Variants in PAPSS2 observed in about 807,000 individuals in gnomAD.
PAPSS2 encodes the protein 3'-phosphoadenosine 5'-phosphosulfate synthase 2.
Under a neutral mutation model 66.5 loss-of-function variants are expected in PAPSS2, and 61 were observed. That is an observed-to-expected ratio of 0.92 (90% confidence interval 0.75 to 1.14). PAPSS2 has a LOEUF of 1.14. Ranked by LOEUF, PAPSS2 falls within the 50% of genes most tolerant of loss-of-function variation. The pLI, the probability that PAPSS2 is intolerant of heterozygous loss-of-function variation, is 0.00. For missense variants in PAPSS2, 708 were observed against 789.6 expected (o/e 0.90, Z 1.24); for synonymous variants, 289 against 287.5 (o/e 1.01, Z -0.05).
intron 1 of PAPSS2, among the ~76,000 whole-genome samples, chr10:87,696,117 A>G (rs1274284511): frequency 6.6e-6 from 1 of 152,118 alleles, no homozygotes; most frequent in Non-Finnish European, 1.5e-5. Context: ...TACACTCCCA[A>G]CTTCAGCTAT....
intron 1 of PAPSS2, among the ~76,000 whole-genome samples, chr10:87,696,648 A>G (rs1853238414): frequency 6.6e-6 from 1 of 152,218 alleles, no homozygotes; most frequent in African/African-American, 2.4e-5. Context: ...AGGATTTCTC[A>G]TATAACTCCA....
At chr10:87,718,371 G>A (rs903798278) in intron 7 of PAPSS2, among the ~76,000 whole-genome samples, 7 of 152,130 alleles carry the variant, frequency 4.6e-5, no homozygotes, top group Admixed American at 1.3e-4. Flanking sequence ...GCTCACTACC[G>A]TGAGGTGGAT....
At chr10:87,738,924 T>C (rs1853833134) in intron 9 of PAPSS2, among the ~76,000 whole-genome samples, 1 of 152,234 alleles carries the variant, frequency 6.6e-6, no homozygotes, top group Non-Finnish European at 1.5e-5. Flanking sequence ...TTCTGGATAT[T>C]AACCCCTTAT....
rs531360079 is a variant in PAPSS2, at chr10:87,660,970, A to G, written c.27+962A>G. 4.3e-4 allele frequency: 196 copies of G among 455,922 alleles called. 3 individuals are homozygous for G. The highest frequency in any genetic ancestry group is 2.8e-3 in the South Asian group (182 of 64,546). 28.2% of individuals were successfully genotyped at this position (455,922 alleles called of 1,614,324 possible). ...GCCGCTGAACATTCTATCTTCAGCC[A>G]CCACCCTGCAAGCCTCAGATGATTG... On this transcript the variant is annotated intron_variant, in intron 1 of 12. Coordinates refer to ENST00000456849, the MANE Select transcript of PAPSS2 (RefSeq NM_001015880.2).
chr10:87,669,490 T>C (rs7905305), intron 1 of PAPSS2, among the ~76,000 whole-genome samples: 2,484 of 152,340 alleles, frequency 0.016, 64 homozygotes, highest in African/African-American at 0.057. Context: ...TTTGAGTAGT[T>C]ACTAAAAAAT....
intron 1 of PAPSS2, among the ~76,000 whole-genome samples, chr10:87,666,922 G>A (rs2089077610): frequency 1.3e-5 from 2 of 152,086 alleles, no homozygotes; most frequent in African/African-American, 4.8e-5. Flanking sequence ...AATGCCCTCT[G>A]CTTTCAGAGC....
At chr10:87,735,186 C>T (rs950253674) in intron 9 of PAPSS2, among the ~76,000 whole-genome samples, 10 of 152,156 alleles carry the variant, frequency 6.6e-5, no homozygotes, top group Non-Finnish European at 1.5e-4. Context: ...TTCTAGGCCA[C>T]AAAGCCCTGG....
rs750512741 is a variant in PAPSS2 at position 87,745,137 on chromosome 10, A to G, written c.1627A>G (p.Met543Val). The change falls in exon 12 of 13, where the codon ATG becomes GTG. Residue 543 changes from methionine to valine, a missense_variant. By Grantham distance (21) the Met-to-Val change is conservative. Transcript: ENST00000456849. ...EPTHGGKVLS[M>V]APGLTSVEII... ...CACTCATGGGGGCAAGGTCTTGAGC[A>G]TGGCCCCTGGCCTCACCTCTGTGGA... 6.2e-7 allele frequency: 1 copy of G among 1,614,160 alleles called. No homozygotes were observed.
chr10:87,742,025 T>C (rs1853876762), intron 10 of PAPSS2, among the ~76,000 whole-genome samples: 1 of 152,224 alleles, frequency 6.6e-6, no homozygotes, highest in African/African-American at 2.4e-5. Context: ...CCCAAAGTGC[T>C]GGGATTACAG....
chr10:87,701,319 C>CTTTCTTT (rs1853304868), intron 1 of PAPSS2, among the ~76,000 whole-genome samples: 1 of 95,550 alleles, frequency 1.0e-5, no homozygotes, highest in African/African-American at 4.9e-5. Context: ...TTCCTTCCTT[C>CTTTCTTT]CTTCCTTCCT....
At position 87,709,284 on chromosome 10, in the gene PAPSS2, G is replaced by A; in HGVS notation, c.116G>A (p.Gly39Glu). The change falls in exon 2 of 13, where the codon GGG becomes GAG. Residue 39 changes from glycine (G) to glutamate (E), a missense_variant. Physicochemically the swap from Gly to Glu is moderately conservative, Grantham distance 98. Transcript: ENST00000456849. The part of the protein sequence containing the change: ...KRGQVVGTRG[G>E]FRGCTVWLTG... ...GGGCAAGTGGTTGGAACAAGGGGTG[G>A]GTTCCGAGGATGTACCGTGTGGCTA... is the stretch of plus-strand genomic sequence containing the variant. 6.2e-7 allele frequency: 1 copy of A among 1,611,214 alleles called. No homozygotes were observed. The highest frequency in any genetic ancestry group is 8.5e-7 in the Non-Finnish European group (1 of 1,177,844).
chr10:87,678,351 AAC>A (rs1031246466), intron 1 of PAPSS2, among the ~76,000 whole-genome samples: 3 of 152,198 alleles, frequency 2.0e-5, no homozygotes, highest in Non-Finnish European at 4.4e-5. Flanking sequence ...ACTAGAAGAA[AAC>A]ACAGGGAAAA....
chr10:87,707,211 C>T (rs960462957), intron 1 of PAPSS2, among the ~76,000 whole-genome samples: 1 of 152,152 alleles, frequency 6.6e-6, no homozygotes, highest in African/African-American at 2.4e-5. Context: ...TTATGACATC[C>T]CTTTCTAGCT....
chr10:87,660,444 G>C (rs890249214), intron 1 of PAPSS2: 1 of 237,788 alleles, frequency 4.2e-6, no homozygotes, highest in African/African-American at 2.3e-5. Flanking sequence ...AACTTCCTTG[G>C]AGTGGGCTTT....
intron 1 of PAPSS2, among the ~76,000 whole-genome samples, chr10:87,704,334 C>T (rs775083995): frequency 2.0e-5 from 3 of 152,112 alleles, no homozygotes; most frequent in Non-Finnish European, 4.4e-5. Context: ...TTTCGAAAAA[C>T]GAAGAACTTG....
rs1401243839 is a variant in PAPSS2, at chr10:87,709,252, T to G, written c.84T>G (p.Asn28Lys). The change falls in exon 2 of 13, where the codon AAT becomes AAG. Residue 28 changes from asparagine to lysine, a missense_variant. Transcript: ENST00000456849. Reference sequence around the variant, plus strand: ...ATCAGGCCCACCATGTGAGCAGGAATAAGAGAGGGCAAGTGGTTGGAACAA... The same window carrying G: ...ATCAGGCCCACCATGTGAGCAGGAAGAAGAGAGGGCAAGTGGTTGGAACAA... The part of the protein sequence containing the change: ...VVYQAHHVSR[N>K]KRGQVVGTRG... 1 of 1,613,644 alleles carries G rather than the reference T, an allele frequency of 6.2e-7. No homozygotes were observed. Among genetic ancestry groups the G allele is most frequent in the Admixed American group, 1.7e-5 (1 of 59,990 alleles).
chr10:87,704,178 C>T (rs963327859), intron 1 of PAPSS2: 1 of 375,794 alleles, frequency 2.7e-6, no homozygotes, highest in Non-Finnish European at 5.2e-6. Flanking sequence ...ACCAAAAGAG[C>T]CCAGTACCTG....
At chr10:87,706,428 G>C (rs879683012) in intron 1 of PAPSS2, among the ~76,000 whole-genome samples, 2 of 151,808 alleles carry the variant, frequency 1.3e-5, no homozygotes, top group East Asian at 3.9e-4. Flanking sequence ...TGCTATCCTT[G>C]AGGTATCACA....
chr10:87,680,088 G>T (rs1853000688), intron 1 of PAPSS2, among the ~76,000 whole-genome samples: 1 of 151,104 alleles, frequency 6.6e-6, no homozygotes, highest in Non-Finnish European at 1.5e-5. Context: ...TCCACTGTCT[G>T]CAAGGACAAG....
Sources: allele counts gnomAD v4.1 joint callset (sites outside exome capture counted in the v4.1 genomes callset), GRCh38; gene constraint gnomAD v4.1.1; transcripts MANE v1.5; gene names NCBI Gene and HGNC (gene_info 2026-07-23, HGNC 2026-07-21).